Variants in PLIN5 observed in about 807,000 individuals in gnomAD.
PLIN5 encodes the protein perilipin-5.
PLIN5 carries 34 observed loss-of-function variants against 32.8 expected under a neutral mutation model. The observed-to-expected ratio is 1.04, with a 90% CI of 0.79 to 1.38. The LOEUF is 1.38. Among genes scored for constraint, PLIN5 ranks in the 40% most tolerant of loss-of-function variants. PLIN5 has a pLI of 0.00. For synonymous variants in PLIN5, 309 were observed against 292.9 expected (o/e 1.05, Z -0.56); for missense variants, 712 against 660.5 (o/e 1.08, Z -0.85).
intron 7 of PLIN5, 104 bp from the exon 8 acceptor site, chr19:4,524,189 CAT>C: frequency 8.9e-7 from 1 of 1,117,982 alleles, no homozygotes; most frequent in Non-Finnish European, 1.2e-6. Flanking sequence ...CAACCTGTCT[CAT>C]AGACCTCATA....
intron 1 of PLIN5, among the ~76,000 whole-genome samples, chr19:4,534,920 G>A (rs947971818): frequency 1.3e-5 from 2 of 152,190 alleles, no homozygotes; most frequent in African/African-American, 4.8e-5. Context: ...TACAGGGGGG[G>A]AGCTCGACCT....
Position 4,525,201 on chromosome 19 carries a change from G to A in PLIN5, c.721-125C>T. 1 of 626,960 alleles carries A rather than the reference G, an allele frequency of 1.6e-6. No individual in the cohort carries two copies. Among genetic ancestry groups the A allele is most frequent in the Non-Finnish European group, 2.7e-6 (1 of 375,228 alleles). 38.8% of individuals were successfully genotyped at this position (626,960 alleles called of 1,614,324 possible). A position where few individuals can be genotyped will look rare whatever the true frequency, so the allele number is the denominator to read the frequency against. The stretch of plus-strand genomic sequence containing the variant: ...TAGGAGACCGAGGCAGGTTGTGCAG[G>A]GCCGTGGGGAAGACTTGGGCTTGGA... On this transcript the variant is annotated intron_variant, in intron 6 of 7. Transcript: ENST00000381848. This position sits in a 1 kb window ranked among gnomAD's most constrained non-coding sequence, Gnocchi z 5.6.
At position 4,524,048 on chromosome 19, in the gene PLIN5, G is replaced by A. The variant is rs1461103362; in HGVS notation, c.872C>T (p.Thr291Ile). ...LETLVLSRSL[T>I]QELQGTVEAL... The stretch of plus-strand genomic sequence containing the variant: ...CTCTACCGTGCCCTGCAGCTCCTGG[G>A]TCAGGCTGCGGGACAGCACCAGCGT... The change falls in exon 8 of 8, where the codon ACC becomes ATC. Residue 291 changes from threonine to isoleucine, a missense_variant. By Grantham distance (89) the Thr-to-Ile change is moderately conservative. Transcript: ENST00000381848. The A allele has an allele frequency of 2.7e-6, 4 of 1,473,498 alleles. No homozygotes were observed. Among genetic ancestry groups the A allele is most frequent in the Admixed American group, 2.5e-5 (1 of 40,206 alleles). 91.3% of individuals were successfully genotyped at this position (1,473,498 alleles called of 1,614,324 possible).
At position 4,524,008 on chromosome 19, in the gene PLIN5, G is replaced by A. The variant is rs1386221639; in HGVS notation, c.912C>T (p.Ser304=). ...LQGTVEALES[S]VRGLPAGAQE... Reference sequence around the variant, plus strand: ...GGGCGCCGGCGGGCAGGCCCCGCACGCTGGACTCCAGAGCCTCTACCGTGC... The same window carrying A: ...GGGCGCCGGCGGGCAGGCCCCGCACACTGGACTCCAGAGCCTCTACCGTGC... Residue 304 remains serine (S), a synonymous_variant, in exon 8 of 8, where the codon AGC becomes AGT. Coordinates refer to ENST00000381848, the MANE Select transcript of PLIN5 (RefSeq NM_001013706.3). The A allele has an allele frequency of 1.1e-5, 16 of 1,516,850 alleles. No homozygotes were observed. The highest frequency in any genetic ancestry group is 1.2e-5 in the South Asian group (1 of 81,140). 94.0% of individuals were successfully genotyped at this position (1,516,850 alleles called of 1,614,324 possible).
Position 4,523,400 on chromosome 19 carries a change from T to G in PLIN5, c.*128A>C. 9.1e-7 allele frequency: 1 copy of G among 1,102,274 alleles called. No individual in the cohort carries two copies. Among genetic ancestry groups the G allele is most frequent in the South Asian group, 1.8e-5 (1 of 55,852 alleles). 68.3% of individuals were successfully genotyped at this position (1,102,274 alleles called of 1,614,324 possible). On this transcript the variant is annotated 3_prime_UTR_variant, in exon 8 of 8. Transcript: ENST00000381848. The surrounding 1 kb of genome is among the most constrained non-coding windows in gnomAD (Gnocchi z 5.0). ...CCAATACCAAAAAGGTGGTCAGAGA[T>G]CCGGAGTTGGGCCTGATTCCAAAGA...
At chr19:4,526,762 G>A (rs1401325718) in intron 5 of PLIN5, among the ~76,000 whole-genome samples, 1 of 151,870 alleles carries the variant, frequency 6.6e-6, no homozygotes, top group African/African-American at 2.4e-5. Flanking sequence ...AGAAGCTGAG[G>A]CAGGAGGATC....
At position 4,523,749 on chromosome 19, in the gene PLIN5, C is replaced by A; in HGVS notation, c.1171G>T (p.Asp391Tyr). ...ACCTCGTCCACCAGGTCCGCCAGGT[C>A]GGGCAGGGGCTCGGGTCGCTCCACA... ...ILVERPEPLP[D>Y]LADLVDEVIG... Residue 391 changes from aspartate to tyrosine, a missense_variant, in exon 8 of 8, where the codon GAC (aspartate) becomes TAC (tyrosine). Coordinates refer to ENST00000381848, the MANE Select transcript of PLIN5 (RefSeq NM_001013706.3). The surrounding 1 kb of genome is among the most constrained non-coding windows in gnomAD (Gnocchi z 5.0). The A allele has an allele frequency of 6.2e-7, 1 of 1,600,516 alleles. No homozygotes were observed. The highest frequency in any genetic ancestry group is 8.5e-7 in the Non-Finnish European group (1 of 1,179,510).
intron 3 of PLIN5, 89 bp downstream of exon 3, chr19:4,531,538 G>A: frequency 1.5e-6 from 2 of 1,322,664 alleles, no homozygotes; most frequent in Non-Finnish European, 2.0e-6. Context: ...CCCCAGGAGT[G>A]TCATGCAGAT....
At chr19:4,529,756 G>T (rs1317475693) in intron 4 of PLIN5, 28 bp downstream of exon 4, 1 of 1,594,936 alleles carries the variant, frequency 6.3e-7, no homozygotes, top group South Asian at 1.1e-5. Context: ...CCCCACTGGA[G>T]GTCCCCATGT....
At chr19:4,527,094 G>T (rs76364928) in intron 5 of PLIN5, among the ~76,000 whole-genome samples, 1 of 147,700 alleles carries the variant, frequency 6.8e-6, no homozygotes, top group Non-Finnish European at 1.5e-5. Context: ...TTTTTTTTTT[G>T]AGATGGAGTC....
Position 4,523,282 on chromosome 19 carries a change from C to T in PLIN5, c.*246G>A. The T allele has an allele frequency of 4.5e-6, 2 of 447,590 alleles. No individual in the cohort carries two copies. The highest frequency in any genetic ancestry group is 4.6e-5 in the South Asian group (1 of 21,622). The allele number at this position is 447,590 out of a possible 1,614,324, so 27.7% of individuals were successfully genotyped here. On this transcript the variant is annotated 3_prime_UTR_variant, in exon 8 of 8. Transcript: ENST00000381848. This position sits in a 1 kb window ranked among gnomAD's most constrained non-coding sequence, Gnocchi z 5.0. ...CAGGGAGCAGGACATAGGTGAAGAA[C>T]CCAGCTTGTGGCTCAAGTTGGCCTG...
chr19:4,529,473 T>C, intron 4 of PLIN5: 4 of 571,492 alleles, frequency 7.0e-6, no homozygotes, highest in Non-Finnish European at 1.2e-5. Context: ...CACATACATA[T>C]ACATATATAC....
chr19:4,526,340 G>A (rs766620533), intron 5 of PLIN5, among the ~76,000 whole-genome samples: 2 of 152,090 alleles, frequency 1.3e-5, no homozygotes, highest in Non-Finnish European at 2.9e-5. Context: ...TCCTGCCTCA[G>A]CCTCTTGAGT....
At chr19:4,529,469 C>T in intron 4 of PLIN5, 1 of 574,234 alleles carries the variant, frequency 1.7e-6, no homozygotes. Flanking sequence ...TACACACATA[C>T]ATATACATAT....
Position 4,529,791 on chromosome 19 carries a change from G to A in PLIN5, c.332C>T (p.Ser111Leu), listed in dbSNP as rs200136383. ...EEKLPFLQQP[S>L]ETVVTSAKDV... is the part of the protein sequence containing the mutation. ...TCTAGTCGTCCGGGGTACCGTCTCC[G>A]AAGGTTGCTGGAGAAAGGGAAGCTT... The change falls in exon 4 of 8, where the codon TCG becomes TTG. Residue 111 changes from serine (S) to leucine (L), a missense_variant. Physicochemically the swap from Ser to Leu is moderately radical, Grantham distance 145. Coordinates refer to ENST00000381848, the MANE Select transcript of PLIN5 (RefSeq NM_001013706.3). 8.8e-5 allele frequency: 141 copies of A among 1,610,946 alleles called. No individual in the cohort carries two copies. The Middle Eastern group carries it at 1.3e-3, about 15-fold the overall frequency.
At position 4,525,108 on chromosome 19, in the gene PLIN5, TGGGGGA is replaced by T; in HGVS notation, c.721-38_721-33del. On this transcript the variant is annotated intron_variant, in intron 6 of 7. Coordinates refer to ENST00000381848, the MANE Select transcript of PLIN5 (RefSeq NM_001013706.3). This position sits in a 1 kb window ranked among gnomAD's most constrained non-coding sequence, Gnocchi z 5.6. ...GGACAGAAATGGTGGTCTTCAGAGC[TGGGGGA>T]GCTGGGGGAGCTGGGGGTCGGGGTG... 1 of 347,678 alleles carries T rather than the reference TGGGGGA, an allele frequency of 2.9e-6. No homozygotes were observed. 21.5% of individuals were successfully genotyped at this position (347,678 alleles called of 1,614,324 possible).
intron 2 of PLIN5, chr19:4,532,574 C>CCCGACCTCAGGTGATCCA (rs1342422777): frequency 9.2e-5 from 14 of 152,148 alleles, no homozygotes; most frequent in African/African-American, 3.4e-4. Context: ...GTGTCGAACT[C>CCCGACCTCAGGTGATCCA]CCGACCTCAG....
rs367751980 is a variant in PLIN5, at chr19:4,533,987, C to T, written c.60+28G>A. On this transcript the variant is annotated intron_variant, in intron 2 of 7. Transcript: ENST00000381848. ...ACTGTCCCACACAATACCTTCTGTC[C>T]CTGCTCCATGGGAGGGGCAGCCCTC... The T allele has an allele frequency of 1.1e-4, 173 of 1,606,478 alleles. No homozygotes were observed. The African/African-American group carries it at 1.7e-3, about 16-fold the overall frequency.
chr19:4,528,200 T>C (rs1434379981), intron 5 of PLIN5, among the ~76,000 whole-genome samples: 2 of 151,974 alleles, frequency 1.3e-5, no homozygotes, highest in Admixed American at 6.6e-5. Context: ...TGAGCCACCG[T>C]GCCCGGCCGC....
Sources: allele counts gnomAD v4.1 joint callset (sites outside exome capture counted in the v4.1 genomes callset), GRCh38; gene constraint gnomAD v4.1.1; non-coding constraint Gnocchi (gnomAD v3.1); transcripts MANE v1.5; gene names NCBI Gene and HGNC (gene_info 2026-07-23, HGNC 2026-07-21).